The following NOL10 variants were observed in gnomAD, a reference collection of about 807,000 sequenced individuals.
The protein encoded by NOL10 is nucleolar protein 10.
In NOL10, 58 loss-of-function variants were observed where a neutral mutation model predicts 103.5. That is an observed-to-expected ratio of 0.56 (90% confidence interval 0.45 to 0.70). The LOEUF is 0.70. NOL10 is among the 30% of genes least tolerant of loss of function. NOL10 has a pLI of 0.00. For synonymous variants in NOL10, 287 were observed against 282.5 expected, an observed-to-expected ratio of 1.02 and a Z score of -0.16; for missense variants, 763 against 807.3, an observed-to-expected ratio of 0.95 and a Z score of 0.67.
At chr2:10,654,148 A>T (rs889833499) in intron 12 of NOL10, among the ~76,000 whole-genome samples, 3 of 152,126 alleles carry the variant, frequency 2.0e-5, no homozygotes, top group Admixed American at 6.5e-5. Context: ...CACTATTACT[A>T]ATCACATAAA....
chr2:10,611,294 C>A (rs747578038), intron 13 of NOL10, among the ~76,000 whole-genome samples: 4 of 152,220 alleles, frequency 2.6e-5, no homozygotes, highest in Non-Finnish European at 5.9e-5. Flanking sequence ...AACTCAAATG[C>A]AGCAAAGTAT....
chr2:10,574,979 C>T (rs1674381724), intron 20 of NOL10, among the ~76,000 whole-genome samples: 2 of 152,230 alleles, frequency 1.3e-5, no homozygotes, highest in South Asian at 2.1e-4. Context: ...TCTCCCAAGG[C>T]GGCATCTGGA....
rs1440236965 is a variant in NOL10, at chr2:10,587,138, CACATATATAT to C, written c.1844+1895_1844+1904del. On this transcript the variant is annotated intron_variant, in intron 19 of 20. Coordinates refer to ENST00000381685, the MANE Select transcript of NOL10 (RefSeq NM_024894.4). ...ATATATACATATATATACATATATA[CACATATATAT>C]ACATATATACACATATATACACATA... Among the ~76,000 whole-genome samples the C allele has an allele frequency of 1.3e-4, 2 of 15,836 alleles. 1 individual carries two copies. The highest frequency in any genetic ancestry group is 6.9e-4 in the African/African-American group (2 of 2,878). 10.4% of individuals were successfully genotyped at this position (15,836 alleles called of 152,430 possible).
intron 12 of NOL10, among the ~76,000 whole-genome samples, chr2:10,651,157 GCA>G (rs1016342564): frequency 2.6e-5 from 4 of 152,122 alleles, no homozygotes; most frequent in African/African-American, 9.7e-5. Context: ...AGCTGTTTAG[GCA>G]CACAGCCTGC....
intron 4 of NOL10, among the ~76,000 whole-genome samples, chr2:10,675,023 C>T (rs1026659247): frequency 2.0e-5 from 3 of 152,018 alleles, no homozygotes; most frequent in Admixed American, 6.6e-5. Flanking sequence ...GGCAACATGG[C>T]TAGACTCCAT....
intron 12 of NOL10, among the ~76,000 whole-genome samples, chr2:10,653,194 C>CAA (rs761230128): frequency 1.9e-4 from 16 of 84,968 alleles, no homozygotes; most frequent in South Asian, 4.1e-4. Context: ...GACTCCAACT[C>CAA]AAAAAAAAAA....
chr2:10,592,958 C>A (rs140117936), intron 17 of NOL10, among the ~76,000 whole-genome samples: 11 of 152,018 alleles, frequency 7.2e-5, no homozygotes, highest in Non-Finnish European at 5.9e-5. Flanking sequence ...TATAAATACC[C>A]GTCTACACAT....
intron 17 of NOL10, among the ~76,000 whole-genome samples, chr2:10,591,545 A>C (rs1675392073): frequency 6.6e-6 from 1 of 152,206 alleles, no homozygotes; most frequent in Non-Finnish European, 1.5e-5. Context: ...AAGGATTTTA[A>C]ATACCATGAC....
intron 20 of NOL10, among the ~76,000 whole-genome samples, chr2:10,574,316 G>A (rs1674338421): frequency 6.8e-6 from 1 of 146,464 alleles, no homozygotes; most frequent in South Asian, 2.1e-4. Context: ...TCAATATTTC[G>A]ATTCTTCATG....
intron 8 of NOL10, among the ~76,000 whole-genome samples, chr2:10,666,544 G>A (rs1461654357): frequency 1.3e-5 from 2 of 152,156 alleles, no homozygotes; most frequent in Non-Finnish European, 2.9e-5. Flanking sequence ...GGCCAGGCTG[G>A]TCTCAAACTC....
chr2:10,606,781 T>G (rs763808943), intron 14 of NOL10, among the ~76,000 whole-genome samples: 1 of 152,156 alleles, frequency 6.6e-6, no homozygotes, highest in African/African-American at 2.4e-5. Flanking sequence ...ATTGGGTCTT[T>G]TATAATCAAA....
intron 13 of NOL10, among the ~76,000 whole-genome samples, chr2:10,625,107 C>T (rs1008650883): frequency 5.9e-5 from 9 of 152,008 alleles, no homozygotes; most frequent in Admixed American, 4.6e-4. Context: ...AGTGATTGCT[C>T]GGGGTTTGTG....
intron 19 of NOL10, among the ~76,000 whole-genome samples, chr2:10,585,841 G>GA (rs1209763016): frequency 1.3e-5 from 2 of 152,138 alleles, no homozygotes; most frequent in African/African-American, 4.8e-5. Flanking sequence ...ATAAAGTCAA[G>GA]AAAAAAGTCT....
intron 7 of NOL10, among the ~76,000 whole-genome samples, chr2:10,667,802 G>A (rs925616982): frequency 1.3e-5 from 2 of 151,912 alleles, no homozygotes; most frequent in Non-Finnish European, 2.9e-5. Context: ...TCAATATAAT[G>A]CATTTGTGAA....
chr2:10,662,343 G>A (rs759005287), intron 9 of NOL10, among the ~76,000 whole-genome samples: 2 of 152,132 alleles, frequency 1.3e-5, no homozygotes, highest in African/African-American at 4.8e-5. Context: ...TGTGATGGAC[G>A]TCCCAGGCTG....
At chr2:10,679,068 T>C (rs1681532536) in intron 3 of NOL10, among the ~76,000 whole-genome samples, 1 of 151,970 alleles carries the variant, frequency 6.6e-6, no homozygotes, top group Non-Finnish European at 1.5e-5. Flanking sequence ...ATTTAAAAAA[T>C]ATTTTTTTTG....
intron 13 of NOL10, among the ~76,000 whole-genome samples, chr2:10,640,072 G>A (rs1295839066): frequency 2.6e-5 from 4 of 152,186 alleles, no homozygotes; most frequent in Non-Finnish European, 4.4e-5. Context: ...TTCATCTTCA[G>A]TATGCCCCAA....
At chr2:10,682,597 G>A (rs994891468) in intron 2 of NOL10, among the ~76,000 whole-genome samples, 1 of 151,614 alleles carries the variant, frequency 6.6e-6, no homozygotes, top group African/African-American at 2.4e-5. Context: ...ATGGGGTTTC[G>A]CCACGTTGCC....
Position 10,662,986 on chromosome 2 carries a change from G to A in NOL10, c.650C>T (p.Ala217Val), listed in dbSNP as rs778123765. Reference sequence around the variant, plus strand: ...TGAATCTGCTGTGACACTGTTTAAGGCGCAGTCTAACAGGCCAACTCTGTT... The same window carrying A: ...TGAATCTGCTGTGACACTGTTTAAGACGCAGTCTAACAGGCCAACTCTGTT... ...TRNRVGLLDC[A>V]LNSVTADSEI... Residue 217 changes from alanine (A) to valine (V), a missense_variant, in exon 9 of 21, where the codon GCC (alanine) becomes GTC (valine). Physicochemically the swap from Ala to Val is moderately conservative, Grantham distance 64. Coordinates refer to ENST00000381685, the MANE Select transcript of NOL10 (RefSeq NM_024894.4). 2.5e-6 allele frequency: 4 copies of A among 1,613,588 alleles called. No individual in the cohort carries two copies. The African/African-American group carries it at 5.3e-5, about 22-fold the overall frequency.
Sources: allele counts gnomAD v4.1 joint callset (sites outside exome capture counted in the v4.1 genomes callset), GRCh38; gene constraint gnomAD v4.1.1; transcripts MANE v1.5; gene names NCBI Gene and HGNC (gene_info 2026-07-23, HGNC 2026-07-21).